MYO1B: variants seen among roughly 807,000 people sequenced by gnomAD.
MYO1B encodes the protein unconventional myosin-Ib.
A neutral mutation model predicts 159.7 loss-of-function variants in MYO1B; 72 were observed. The observed-to-expected ratio is 0.45, with a 90% confidence interval of 0.37 to 0.55. The LOEUF is 0.55. MYO1B is among the 20% of genes least tolerant of loss of function. MYO1B has a pLI of 0.00. For missense variants in MYO1B, 1,062 were observed against 1,364.8 expected (o/e 0.78, Z 3.50); for synonymous variants, 468 against 473.8 (o/e 0.99, Z 0.16).
At chr2:191,298,371 T>A (rs1292782157) in intron 3 of MYO1B, among the ~76,000 whole-genome samples, 1 of 152,220 alleles carries the variant, frequency 6.6e-6, no homozygotes, top group African/African-American at 2.4e-5. Flanking sequence ...TAAGCCCCTG[T>A]GATGAAATAC....
At chr2:191,326,820 G>A (rs546190969) in intron 3 of MYO1B, among the ~76,000 whole-genome samples, 20 of 149,688 alleles carry the variant, frequency 1.3e-4, no homozygotes, top group African/African-American at 4.2e-4. Context: ...GTGTGTGCGC[G>A]CGCCATATAT....
chr2:191,392,609 TA>T (rs1178238491), intron 19 of MYO1B, among the ~76,000 whole-genome samples: 3 of 152,142 alleles, frequency 2.0e-5, no homozygotes, highest in African/African-American at 7.2e-5. Flanking sequence ...TTAAAAAAAA[TA>T]CTTTTAGCAT....
At chr2:191,288,682 T>C (rs1688524461) in intron 2 of MYO1B, among the ~76,000 whole-genome samples, 1 of 152,226 alleles carries the variant, frequency 6.6e-6, no homozygotes, top group Non-Finnish European at 1.5e-5. Flanking sequence ...TTAATAAATT[T>C]GTTGCTTGCA....
chr2:191,350,277 T>C (rs2125983112), intron 7 of MYO1B, 52 bp downstream of exon 7: 4 of 1,319,050 alleles, frequency 3.0e-6, no homozygotes, highest in South Asian at 1.2e-5. Context: ...CTAAAACATA[T>C]ATTTATAGTA....
At chr2:191,423,195 C>T (rs1384428376) in intron 30 of MYO1B, among the ~76,000 whole-genome samples, 3 of 152,190 alleles carry the variant, frequency 2.0e-5, no homozygotes, top group Admixed American at 6.5e-5. Context: ...CTTACACAAA[C>T]GTAGATGGTA....
chr2:191,282,791 C>T (rs1429328337), intron 2 of MYO1B, among the ~76,000 whole-genome samples: 1 of 152,190 alleles, frequency 6.6e-6, no homozygotes, highest in Non-Finnish European at 1.5e-5. Context: ...ATGCCACCTC[C>T]AATCCCACTT....
chr2:191,366,735 G>A (rs988136765), intron 11 of MYO1B, among the ~76,000 whole-genome samples: 3 of 151,834 alleles, frequency 2.0e-5, no homozygotes, highest in South Asian at 2.1e-4. Flanking sequence ...CCTCTGCTCC[G>A]ACCTGCCTAT....
At chr2:191,331,148 T>C (rs1023178756) in intron 4 of MYO1B, among the ~76,000 whole-genome samples, 11 of 152,112 alleles carry the variant, frequency 7.2e-5, no homozygotes, top group Non-Finnish European at 4.4e-5. Flanking sequence ...GCCCCCTTTC[T>C]TGAGCTCTTT....
intron 2 of MYO1B, among the ~76,000 whole-genome samples, chr2:191,277,505 G>T (rs1441505455): frequency 6.6e-6 from 1 of 152,068 alleles, no homozygotes; most frequent in Non-Finnish European, 1.5e-5. Flanking sequence ...CTGAAGATTT[G>T]GCTATAGTCA....
At position 191,310,972 on chromosome 2, in the gene MYO1B, T is replaced by C. The variant is rs116754812; in HGVS notation, c.251+14746T>C. Among the ~76,000 whole-genome samples, 1,411 of 152,328 alleles carry C rather than the reference T, an allele frequency of 9.3e-3. 13 individuals are homozygous for C. The highest frequency in any genetic ancestry group is 0.012 in the Non-Finnish European group (783 of 68,028). Reference sequence around the variant, plus strand: ...CAGAATTTCTAGTTGCTATTGGTGATGAGTCACAATGTAATTTAGGAAGGG... The same window carrying C: ...CAGAATTTCTAGTTGCTATTGGTGACGAGTCACAATGTAATTTAGGAAGGG... On this transcript the variant is annotated intron_variant, in intron 3 of 30. Transcript: ENST00000392318.
intron 30 of MYO1B, among the ~76,000 whole-genome samples, chr2:191,420,930 A>T (rs180942418): frequency 6.6e-6 from 1 of 152,162 alleles, no homozygotes; most frequent in Non-Finnish European, 1.5e-5. Flanking sequence ...TCTCTTTTCT[A>T]TGAGGTGAAG....
At chr2:191,359,141 TAAG>T (rs1259120983) in intron 7 of MYO1B, among the ~76,000 whole-genome samples, 1 of 152,222 alleles carries the variant, frequency 6.6e-6, no homozygotes, top group Non-Finnish European at 1.5e-5. Flanking sequence ...AGTCACATGA[TAAG>T]TAAAATCGTA....
chr2:191,256,861 G>A (rs1686484716), intron 1 of MYO1B, among the ~76,000 whole-genome samples: 2 of 152,152 alleles, frequency 1.3e-5, no homozygotes, highest in Non-Finnish European at 2.9e-5. Context: ...CAGAAACTAG[G>A]TAACGGTGTT....
At chr2:191,271,170 G>A (rs1262128354) in intron 1 of MYO1B, among the ~76,000 whole-genome samples, 1 of 152,208 alleles carries the variant, frequency 6.6e-6, no homozygotes, top group African/African-American at 2.4e-5. Context: ...GGAGGTTAAT[G>A]AGTGGAACTG....
At chr2:191,366,523 C>G (rs970549622) in intron 11 of MYO1B, among the ~76,000 whole-genome samples, 1 of 152,058 alleles carries the variant, frequency 6.6e-6, no homozygotes, top group Non-Finnish European at 1.5e-5. Context: ...CCAGCATCAT[C>G]TTTATTGCCC....
chr2:191,324,092 A>G (rs1254997308), intron 3 of MYO1B, among the ~76,000 whole-genome samples: 2 of 152,040 alleles, frequency 1.3e-5, no homozygotes, highest in African/African-American at 4.8e-5. Flanking sequence ...GTTGTATGGT[A>G]TGTCTTTTTC....
chr2:191,299,113 A>G (rs1689155102), intron 3 of MYO1B, among the ~76,000 whole-genome samples: 1 of 152,220 alleles, frequency 6.6e-6, no homozygotes, highest in Non-Finnish European at 1.5e-5. Flanking sequence ...GAGAATGTTT[A>G]GAAGTCTATT....
chr2:191,400,026 T>G (rs1444739930), intron 21 of MYO1B, among the ~76,000 whole-genome samples: 1 of 152,168 alleles, frequency 6.6e-6, no homozygotes, highest in African/African-American at 2.4e-5. Context: ...GCAATAATAA[T>G]GAAAGAGATA....
At chr2:191,421,674 C>A (rs1199861359) in intron 30 of MYO1B, among the ~76,000 whole-genome samples, 1 of 152,150 alleles carries the variant, frequency 6.6e-6, no homozygotes, top group Non-Finnish European at 1.5e-5. Flanking sequence ...CGTGGGTTTG[C>A]CATGTTGGCC....
Sources: allele counts gnomAD v4.1 joint callset (sites outside exome capture counted in the v4.1 genomes callset), GRCh38; gene constraint gnomAD v4.1.1; transcripts MANE v1.5; gene names NCBI Gene and HGNC (gene_info 2026-07-23, HGNC 2026-07-21).